Variants in CSMD1 observed in about 807,000 individuals in gnomAD.
The protein encoded by CSMD1 is CUB and Sushi multiple domains 1, also known as CUB and sushi domain-containing protein 1.
CSMD1 carries 213 observed loss-of-function variants against 417.5 expected under a neutral mutation model. That is an observed-to-expected ratio of 0.51 (90% CI 0.46 to 0.57). The LOEUF is 0.57. CSMD1 is among the 20% of genes least tolerant of loss of function. CSMD1 has a pLI of 0.00. For missense variants in CSMD1, 6,923 were observed against 4,529.7 expected (o/e 1.53, Z -15.17); for synonymous variants, 2,862 against 1,736.8 (o/e 1.65, Z -16.11).
chr8:4,377,597 G>A (rs896467607), intron 3 of CSMD1, among the ~76,000 whole-genome samples: 1 of 152,076 alleles, frequency 6.6e-6, no homozygotes. Context: ...AATTCTCAAA[G>A]CCTCAATTTT....
intron 5 of CSMD1, among the ~76,000 whole-genome samples, chr8:3,799,934 C>G (rs1483961185): frequency 1.3e-5 from 2 of 152,070 alleles, no homozygotes; most frequent in African/African-American, 2.4e-5. Flanking sequence ...CTCAAATATC[C>G]TTATCAATAA....
chr8:3,065,117 A>G (rs746880319), intron 49 of CSMD1, among the ~76,000 whole-genome samples: 1 of 152,194 alleles, frequency 6.6e-6, no homozygotes, highest in African/African-American at 2.4e-5. Flanking sequence ...AGAAGAAATA[A>G]ACCTGGAAAT....
At chr8:3,882,670 A>C (rs2627369) in intron 5 of CSMD1, among the ~76,000 whole-genome samples, 40,675 of 152,084 alleles carry the variant, frequency 0.27, 7,024 homozygotes, top group African/African-American at 0.49. Context: ...TGGTATGTTC[A>C]CAAAACAAAA....
intron 7 of CSMD1, among the ~76,000 whole-genome samples, chr8:3,689,718 TCC>T (rs61133915): frequency 2.6e-5 from 4 of 151,690 alleles, no homozygotes; most frequent in Non-Finnish European, 4.4e-5. Context: ...CTATAATCAA[TCC>T]CTTTTTAGTG....
intron 12 of CSMD1, among the ~76,000 whole-genome samples, chr8:3,416,429 A>C (rs1469338889): frequency 6.6e-6 from 1 of 152,184 alleles, no homozygotes; most frequent in Non-Finnish European, 1.5e-5. Flanking sequence ...TGAAGGTAGA[A>C]ATAAATGAAT....
At chr8:4,489,687 G>C (rs1340139524) in intron 2 of CSMD1, among the ~76,000 whole-genome samples, 2 of 152,154 alleles carry the variant, frequency 1.3e-5, no homozygotes, top group African/African-American at 4.8e-5. Flanking sequence ...GTTTGATCTG[G>C]CAGGTGAGAT....
At chr8:3,989,504 A>G (rs1233725963) in intron 5 of CSMD1, among the ~76,000 whole-genome samples, 1 of 152,220 alleles carries the variant, frequency 6.6e-6, no homozygotes, top group Non-Finnish European at 1.5e-5. Flanking sequence ...TAGCCAACTA[A>G]TAATACTCCA....
intron 3 of CSMD1, among the ~76,000 whole-genome samples, chr8:4,084,205 T>C (rs1296759766): frequency 1.3e-5 from 2 of 152,138 alleles, no homozygotes; most frequent in Non-Finnish European, 2.9e-5. Flanking sequence ...TCCTGATTTT[T>C]CAGTTAGTTT....
At chr8:3,597,267 G>A (rs900215) in intron 8 of CSMD1, among the ~76,000 whole-genome samples, 16,322 of 152,078 alleles carry the variant, frequency 0.11, 1,420 homozygotes, top group African/African-American at 0.22. Context: ...GCACCGGTGA[G>A]ACAGAGCATC....
At chr8:3,894,389 T>C (rs1483455444) in intron 5 of CSMD1, among the ~76,000 whole-genome samples, 3 of 152,186 alleles carry the variant, frequency 2.0e-5, no homozygotes, top group Non-Finnish European at 2.9e-5. Flanking sequence ...AGACACATCC[T>C]TCATGGCTTA....
At chr8:4,080,943 A>T (rs1369632994) in intron 3 of CSMD1, among the ~76,000 whole-genome samples, 2 of 152,030 alleles carry the variant, frequency 1.3e-5, no homozygotes, top group African/African-American at 2.4e-5. Flanking sequence ...GGCTCTGGGG[A>T]CTCTACCCTC....
chr8:4,117,166 T>C (rs1310067251), intron 3 of CSMD1, among the ~76,000 whole-genome samples: 1 of 151,990 alleles, frequency 6.6e-6, no homozygotes, highest in Admixed American at 6.6e-5. Context: ...CCTCGAATTA[T>C]CTGAGTATTA....
chr8:4,151,134 C>A (rs1439961427), intron 3 of CSMD1, among the ~76,000 whole-genome samples: 3 of 152,160 alleles, frequency 2.0e-5, no homozygotes, highest in African/African-American at 7.2e-5. Context: ...CCCTGTTCAC[C>A]AAATACATTA....
intron 1 of CSMD1, among the ~76,000 whole-genome samples, chr8:4,936,187 G>A (rs1434335468): frequency 6.6e-6 from 1 of 152,138 alleles, no homozygotes; most frequent in East Asian, 1.9e-4. Context: ...AAGTTGAGAG[G>A]CAGAAATTAT....
intron 1 of CSMD1, among the ~76,000 whole-genome samples, chr8:4,699,772 C>G (rs1807393422): frequency 6.6e-6 from 1 of 152,142 alleles, no homozygotes; most frequent in Admixed American, 6.6e-5. Context: ...GTTAGTTTGT[C>G]AGGAAAGGAT....
chr8:3,341,133 T>A (rs17320941), intron 23 of CSMD1, among the ~76,000 whole-genome samples: 26,061 of 152,130 alleles, frequency 0.17, 2,734 homozygotes, highest in South Asian at 0.25. Flanking sequence ...AGAGTCACAG[T>A]ATCCATGTGG....
intron 3 of CSMD1, among the ~76,000 whole-genome samples, chr8:4,268,698 A>AT (rs1173718421): frequency 5.9e-5 from 9 of 151,824 alleles, no homozygotes; most frequent in East Asian, 1.9e-4. Flanking sequence ...GTGTATCTCA[A>AT]TTTTTTTTGA....
At position 3,448,053 on chromosome 8, in the gene CSMD1, A is replaced by T. The variant is rs10282915; in HGVS notation, c.1561+20659T>A. Among the ~76,000 whole-genome samples the T allele has an allele frequency of 5.2e-3, 793 of 151,784 alleles. 8 individuals are homozygous for T. The highest frequency in any genetic ancestry group is 0.018 in the African/African-American group (745 of 41,438). ...GATACAAACAAGCCTCTTGTGTCAT[A>T]CACAGGATTTCTAATAACAGAGATA... On this transcript the variant is annotated intron_variant, in intron 12 of 69. Coordinates refer to ENST00000635120, the MANE Select transcript of CSMD1 (RefSeq NM_033225.6).
In CSMD1 at chr8:2,937,764, G is replaced by A. The variant is rs1024604329; in HGVS notation, c.*821C>T. 6.5e-5 allele frequency: 10 copies of A among 152,696 alleles called. No individual in the cohort carries two copies. In the South Asian group the frequency reaches 2.1e-3, roughly 32 times the overall value. 9.5% of individuals were successfully genotyped at this position (152,696 alleles called of 1,614,324 possible). On this transcript the variant is annotated 3_prime_UTR_variant, in exon 70 of 70. Coordinates refer to ENST00000635120, the MANE Select transcript of CSMD1 (RefSeq NM_033225.6). The stretch of plus-strand genomic sequence containing the variant: ...AATACTGTATTTCCTTTTAAAATCT[G>A]TGCCATATCTAGGAATACTTTTCCC...
Sources: allele counts gnomAD v4.1 joint callset (sites outside exome capture counted in the v4.1 genomes callset), GRCh38; gene constraint gnomAD v4.1.1; transcripts MANE v1.5; gene names NCBI Gene and HGNC (gene_info 2026-07-23, HGNC 2026-07-21).